EED: variants seen among roughly 807,000 people sequenced by gnomAD.
EED encodes the protein embryonic ectoderm development, also known as polycomb protein EED.
A neutral mutation model predicts 61.0 loss-of-function variants in EED; 9 were observed. The observed-to-expected ratio is 0.15, with a 90% CI of 0.09 to 0.26. The LOEUF (loss-of-function observed/expected upper bound fraction) is 0.26. EED is among the 10% of genes least tolerant of loss of function. EED has a pLI of 1.00. For missense variants in EED, 315 were observed against 542.3 expected, an observed-to-expected ratio of 0.58 and a Z score of 4.16; for synonymous variants, 187 against 174.4, an observed-to-expected ratio of 1.07 and a Z score of -0.57.
At chr11:86,249,472 A>G (rs1945471693) in intron 1 of EED, among the ~76,000 whole-genome samples, 1 of 151,634 alleles carries the variant, frequency 6.6e-6, no homozygotes, top group African/African-American at 2.4e-5. Context: ...TTTCCAAAGG[A>G]GACATTGGAA....
At chr11:86,282,579 A>G (rs1005193036), downstream of EED, among the ~76,000 whole-genome samples, 1 of 152,154 alleles carries the variant, frequency 6.6e-6, no homozygotes, top group Non-Finnish European at 1.5e-5. Flanking sequence ...ATTAGATAGG[A>G]TATTTCTTTC....
At chr11:86,272,719 T>A (rs1946146054) in intron 9 of EED, among the ~76,000 whole-genome samples, 1 of 152,226 alleles carries the variant, frequency 6.6e-6, no homozygotes, top group Non-Finnish European at 1.5e-5. Context: ...CTTTTTTCAT[T>A]ACATAATCTT....
At chr11:86,276,170 C>CTAAG in intron 9 of EED, 1 of 152,134 alleles carries the variant, frequency 6.6e-6, no homozygotes, top group Non-Finnish European at 1.5e-5. Flanking sequence ...GACACATTGT[C>CTAAG]AAATGTCCCT....
At chr11:86,263,244 A>G (rs1370713495) in intron 6 of EED, among the ~76,000 whole-genome samples, 1 of 152,200 alleles carries the variant, frequency 6.6e-6, no homozygotes, top group Non-Finnish European at 1.5e-5. Context: ...AGTAATCCTT[A>G]AGAAGATAAA....
chr11:86,252,193 A>G lies in EED; in HGVS notation c.313A>G (p.Ser105Gly), dbSNP rs1266388674. The G allele has an allele frequency of 6.2e-7, 1 of 1,612,130 alleles. No homozygotes were observed. Among genetic ancestry groups the G allele is most frequent in the African/African-American group, 1.3e-5 (1 of 75,030 alleles). ...GTTTGGAGTTCAGTTTAACTGGCAC[A>G]GTAAAGAAGGAGATCCATTAGTGTT... ...PLFGVQFNWH[S>G]KEGDPLVFAT... Residue 105 changes from serine (S) to glycine (G), a missense_variant, in exon 3 of 12, where the codon AGT (serine) becomes GGT (glycine). Ser to Gly is a moderately conservative substitution (Grantham distance 56). Coordinates refer to ENST00000263360, the MANE Select transcript of EED (RefSeq NM_003797.5).
At chr11:86,268,615 GTGTGTGTGTGTA>G in intron 9 of EED, 54 bp downstream of exon 9, 1 of 1,203,358 alleles carries the variant, frequency 8.3e-7, no homozygotes, top group Non-Finnish European at 1.2e-6. Flanking sequence ...GTGTGTGTGT[GTGTGTGTGTGTA>G]TGTGTGTGCG....
At chr11:86,269,190 C>T (rs1593759954) in intron 9 of EED, among the ~76,000 whole-genome samples, 1 of 152,188 alleles carries the variant, frequency 6.6e-6, no homozygotes, top group African/African-American at 2.4e-5. Context: ...GAATATCTCA[C>T]ATACTGCATA....
intron 1 of EED, among the ~76,000 whole-genome samples, 188 bp from the exon 2 acceptor site, chr11:86,250,108 T>C (rs1440153130): frequency 1.3e-5 from 2 of 152,228 alleles, no homozygotes; most frequent in Admixed American, 1.3e-4. Context: ...TGTTGAAATA[T>C]AAAATATCTA....
At chr11:86,253,169 C>CT (rs1467355546) in intron 3 of EED, among the ~76,000 whole-genome samples, 1 of 152,126 alleles carries the variant, frequency 6.6e-6, no homozygotes, top group African/African-American at 2.4e-5. Context: ...GAAATAATAG[C>CT]TTTTTTTCTT....
intron 7 of EED, 133 bp downstream of exon 7, chr11:86,264,396 A>G: frequency 1.7e-6 from 1 of 577,828 alleles, no homozygotes. Context: ...TTTGACATAG[A>G]AGATTTTAAT....
chr11:86,258,554 G>GTTTTTTTTTTTT (rs768325009), intron 6 of EED, among the ~76,000 whole-genome samples: 18 of 143,642 alleles, frequency 1.3e-4, no homozygotes, highest in East Asian at 1.2e-3. Flanking sequence ...TTTGTTTTTT[G>GTTTTTTTTTTTT]GTTTTTTTTT....
Position 86,257,580 on chromosome 11 carries a change from C to G in EED, c.618C>G (p.Leu206=). Residue 206 remains leucine (L), a synonymous_variant, in exon 6 of 12, where the codon CTC becomes CTG. Transcript: ENST00000263360. The part of the protein sequence containing the change: ...LKFHPRDPNL[L]LSVSKDHALR... ...TCCATCCAAGAGATCCAAATCTTCT[C>G]CTGTCAGTAAGTAAAGGTAAGTGAA... The G allele has an allele frequency of 6.2e-7, 1 of 1,611,734 alleles. No individual in the cohort carries two copies. The highest frequency in any genetic ancestry group is 8.5e-7 in the Non-Finnish European group (1 of 1,178,856).
chr11:86,266,274 A>AT (rs1945974873), intron 8 of EED, 58 bp downstream of exon 8: 1 of 1,430,958 alleles, frequency 7.0e-7, no homozygotes, highest in South Asian at 1.6e-5. Flanking sequence ...TATAAGTTTT[A>AT]TTTTTTCCCA....
At position 86,264,232 on chromosome 11, in the gene EED, T is replaced by C; in HGVS notation, c.695T>C (p.Val232Ala). The C allele has an allele frequency of 6.2e-7, 1 of 1,614,012 alleles. No homozygotes were observed. The highest frequency in any genetic ancestry group is 8.5e-7 in the Non-Finnish European group (1 of 1,179,956). Residue 232 changes from valine (V) to alanine (A), a missense_variant, in exon 7 of 12, where the codon GTA becomes GCA. Transcript: ENST00000263360. ...ACTCTGGTGGCAATATTTGGAGGCG[T>C]AGAAGGGCACAGAGATGAAGTTCTA... ...TDTLVAIFGG[V>A]EGHRDEVLSA...
chr11:86,263,783 C>T (rs761264146), intron 6 of EED, among the ~76,000 whole-genome samples: 1 of 152,130 alleles, frequency 6.6e-6, no homozygotes, highest in Non-Finnish European at 1.5e-5. Context: ...CATGCTGAAT[C>T]GTCTCAGCAA....
Position 86,245,240 on chromosome 11 carries a change from G to T in EED, c.11G>T (p.Arg4Met), listed in dbSNP as rs766472086. 9.3e-6 allele frequency: 15 copies of T among 1,613,290 alleles called. No homozygotes were observed. Among genetic ancestry groups the T allele is most frequent in the Non-Finnish European group, 1.3e-5 (15 of 1,179,842 alleles). The stretch of plus-strand genomic sequence containing the variant: ...GGGAGGCGGAGGAATATGTCCGAGA[G>T]GGAAGTGTCGACTGCGCCGGCGGGA... MSEREVSTAPAGTD... is the reference protein window; with the variant it reads MSEMEVSTAPAGTD... Residue 4 changes from arginine to methionine, a missense_variant, in exon 1 of 12, where the codon AGG (arginine) becomes ATG (methionine). Physicochemically the swap from Arg to Met is moderately conservative, Grantham distance 91. Coordinates refer to ENST00000263360, the MANE Select transcript of EED (RefSeq NM_003797.5).
chr11:86,251,454 T>A (rs1439632578), intron 2 of EED, among the ~76,000 whole-genome samples: 4 of 152,220 alleles, frequency 2.6e-5, no homozygotes, highest in Non-Finnish European at 5.9e-5. Context: ...ACGAAAGACG[T>A]ACTTTAAAAG....
chr11:86,278,079 T>C, intron 11 of EED, 88 bp downstream of exon 11: 1 of 1,392,254 alleles, frequency 7.2e-7, no homozygotes, highest in Admixed American at 2.8e-5. Flanking sequence ...ATATTTGCAG[T>C]GCCATCCTTA....
intron 5 of EED, 82 bp from the exon 6 acceptor site, chr11:86,257,433 T>C: frequency 8.9e-7 from 1 of 1,125,798 alleles, no homozygotes; most frequent in Non-Finnish European, 1.2e-6. Flanking sequence ...AGTGAAACTA[T>C]TTTTACATTC....
Sources: allele counts gnomAD v4.1 joint callset (sites outside exome capture counted in the v4.1 genomes callset), GRCh38; gene constraint gnomAD v4.1.1; transcripts MANE v1.5; gene names NCBI Gene and HGNC (gene_info 2026-07-23, HGNC 2026-07-21).